Variants in SLC4A7 observed in about 807,000 individuals in gnomAD.
SLC4A7 encodes sodium bicarbonate cotransporter 3.
A neutral mutation model predicts 137.6 loss-of-function variants in SLC4A7; 51 were observed. That is an observed-to-expected ratio of 0.37 (90% CI 0.30 to 0.47). SLC4A7 has a LOEUF of 0.47. Ranked by LOEUF, SLC4A7 falls within the 20% of genes least tolerant of loss-of-function variation. The probability of loss-of-function intolerance (pLI) is 1.00; values close to 1 mark genes in which losing one functional copy is unlikely to be tolerated. For missense variants in SLC4A7, 1,247 were observed against 1,525.4 expected, an observed-to-expected ratio of 0.82 and a Z score of 3.04; for synonymous variants, 542 against 518.6, an observed-to-expected ratio of 1.05 and a Z score of -0.61.
chr3:27,413,218 A>G (rs1339977951), intron 11 of SLC4A7, among the ~76,000 whole-genome samples: 1 of 152,170 alleles, frequency 6.6e-6, no homozygotes, highest in Admixed American at 6.5e-5. Flanking sequence ...ATGATTTACC[A>G]AAACTGACAT....
chr3:27,398,364 G>A lies in SLC4A7; in HGVS notation c.2428-11C>T, dbSNP rs572331660. 2.7e-5 allele frequency: 42 copies of A among 1,580,366 alleles called. No individual in the cohort carries two copies. In the East Asian group the frequency reaches 7.4e-4, roughly 28 times the overall value. ...AAGTTTTTTACATTCCTGGAAAAAA[G>A]GAGAAAGAAAAAGCAGAATGGGGGA... On this transcript the variant is annotated splice_polypyrimidine_tract_variant and intron_variant, in intron 16 of 25. Transcript: ENST00000454389.
chr3:27,456,904 A>G, intron 1 of SLC4A7: 3 of 1,345,840 alleles, frequency 2.2e-6, no homozygotes, highest in Non-Finnish European at 2.9e-6. Context: ...AGATTTGGAA[A>G]GTAATATACA....
rs771842061 is a variant in SLC4A7 at position 27,385,877 on chromosome 3, T to C, written c.3492+15A>G. On this transcript the variant is annotated intron_variant, in intron 23 of 25. Transcript: ENST00000454389. ...ATAAGGAAGTGGTGTAAGTTTAAAA[T>C]TGTTATCTTTTTACCTCTTTCTCTT... 3 of 1,494,616 alleles carry C rather than the reference T, an allele frequency of 2.0e-6. No individual in the cohort carries two copies. Among genetic ancestry groups the C allele is most frequent in the African/African-American group, 1.4e-5 (1 of 71,140 alleles). The allele number at this position is 1,494,616 out of a possible 1,614,324, so 92.6% of individuals were successfully genotyped here. A position where few individuals can be genotyped will look rare whatever the true frequency, so the allele number is the denominator to read the frequency against.
At chr3:27,434,704 G>A (rs2056599306) in intron 5 of SLC4A7, among the ~76,000 whole-genome samples, 1 of 151,946 alleles carries the variant, frequency 6.6e-6, no homozygotes, top group Non-Finnish European at 1.5e-5. Flanking sequence ...GGAAACTGAT[G>A]GCAATGCCAT....
At chr3:27,446,575 T>C (rs1244022056) in intron 3 of SLC4A7, among the ~76,000 whole-genome samples, 1 of 152,142 alleles carries the variant, frequency 6.6e-6, no homozygotes, top group African/African-American at 2.4e-5. Context: ...GTAAACAATA[T>C]TTCTGTCCAT....
At chr3:27,434,150 A>C (rs1258941154) in intron 5 of SLC4A7, 46 bp from the exon 6 acceptor site, 1 of 1,384,678 alleles carries the variant, frequency 7.2e-7, no homozygotes, top group Middle Eastern at 1.8e-4. Flanking sequence ...TCAGATGACC[A>C]TAATATAGGA....
chr3:27,441,900 C>CTT (rs527582749), intron 3 of SLC4A7, among the ~76,000 whole-genome samples: 2 of 144,372 alleles, frequency 1.4e-5, no homozygotes, highest in Admixed American at 7.0e-5. Flanking sequence ...ATTAGTTTGA[C>CTT]TTTTTTTTTT....
At chr3:27,419,241 G>A (rs1369470249) in intron 10 of SLC4A7, among the ~76,000 whole-genome samples, 1 of 151,912 alleles carries the variant, frequency 6.6e-6, no homozygotes. Context: ...GGAAACTGAT[G>A]GGAAAGAACA....
intron 15 of SLC4A7, among the ~76,000 whole-genome samples, chr3:27,401,291 C>A (rs1375256686): frequency 1.3e-5 from 2 of 152,086 alleles, no homozygotes; most frequent in African/African-American, 4.8e-5. Flanking sequence ...AACTGACAAG[C>A]CCTACCTACT....
At chr3:27,478,882 G>C (rs2059589502) in intron 1 of SLC4A7, among the ~76,000 whole-genome samples, 1 of 150,620 alleles carries the variant, frequency 6.6e-6, no homozygotes, top group Admixed American at 6.6e-5. Flanking sequence ...GCACACCCCT[G>C]TAATCCCAGC....
intron 1 of SLC4A7, among the ~76,000 whole-genome samples, chr3:27,473,768 CAT>C (rs955703534): frequency 2.1e-5 from 3 of 143,000 alleles, no homozygotes; most frequent in African/African-American, 5.2e-5. Context: ...TTCAATGCTA[CAT>C]AGTTATTCTC....
intron 8 of SLC4A7, chr3:27,422,775 A>G (rs2055121453): frequency 4.4e-6 from 2 of 455,934 alleles, no homozygotes; most frequent in Non-Finnish European, 8.8e-6. Context: ...TAAAACCAGC[A>G]CTTACAGCGG....
chr3:27,456,643 G>A (rs748588639), intron 1 of SLC4A7: 2 of 1,530,046 alleles, frequency 1.3e-6, no homozygotes, highest in South Asian at 1.1e-5. Flanking sequence ...TCATAATTAG[G>A]TACATACAGG....
intron 16 of SLC4A7, 106 bp from the exon 17 acceptor site, chr3:27,398,459 C>A: frequency 1.1e-6 from 1 of 934,230 alleles, no homozygotes. Flanking sequence ...TAAGAGGCAC[C>A]ATTACTTTGT....
chr3:27,460,606 G>T (rs1002733726), intron 1 of SLC4A7, among the ~76,000 whole-genome samples: 2 of 152,100 alleles, frequency 1.3e-5, no homozygotes, highest in African/African-American at 4.8e-5. Flanking sequence ...ATTATCAAGG[G>T]TGTTTTCCCC....
chr3:27,385,102 A>G (rs1036242920), intron 23 of SLC4A7, among the ~76,000 whole-genome samples: 14 of 152,188 alleles, frequency 9.2e-5, no homozygotes, highest in African/African-American at 3.4e-4. Flanking sequence ...CATAAAATCA[A>G]TAAAATTTTA....
intron 7 of SLC4A7, among the ~76,000 whole-genome samples, chr3:27,430,482 A>G (rs2056152839): frequency 6.6e-6 from 1 of 150,584 alleles, no homozygotes; most frequent in Admixed American, 6.6e-5. Flanking sequence ...TTAACCAGGC[A>G]TGGTGACACG....
intron 1 of SLC4A7, among the ~76,000 whole-genome samples, chr3:27,474,379 A>G (rs35532045): frequency 0.22 from 33,249 of 152,180 alleles, 3,738 homozygotes; most frequent in Non-Finnish European, 0.25. Context: ...CTAGTTAGTG[A>G]TCAGTACTCT....
At position 27,484,048 on chromosome 3, in the gene SLC4A7, A is replaced by T; in HGVS notation, c.60+19T>A. 1 of 1,390,642 alleles carries T rather than the reference A, an allele frequency of 7.2e-7. No homozygotes were observed. 86.1% of individuals were successfully genotyped at this position (1,390,642 alleles called of 1,614,324 possible). A position where few individuals can be genotyped will look rare whatever the true frequency, so the allele number is the denominator to read the frequency against. ...CGCCCTCCCCCTGCGGAGGAGCCCCACCGCCGCGGCGCCCTCACCCTGCTC... is the reference window on the plus strand; with the variant it reads ...CGCCCTCCCCCTGCGGAGGAGCCCCTCCGCCGCGGCGCCCTCACCCTGCTC... On this transcript the variant is annotated intron_variant, in intron 1 of 25. Coordinates refer to ENST00000454389, the MANE Select transcript of SLC4A7 (RefSeq NM_001321103.2).
Sources: gnomAD v4.1 joint callset for allele counts (sites outside exome capture counted in the v4.1 genomes callset) on GRCh38, gnomAD v4.1.1 for gene constraint, MANE v1.5 for transcripts, NCBI Gene and HGNC (gene_info 2026-07-23, HGNC 2026-07-21) for gene names.